Variants in CPEB3 observed in about 807,000 individuals in gnomAD.
CPEB3 encodes cytoplasmic polyadenylation element binding protein 3, also known as cytoplasmic polyadenylation element-binding protein 3.
In CPEB3, 20 loss-of-function variants were observed where a neutral mutation model predicts 67.2. That is an observed-to-expected ratio of 0.30 (90% CI 0.21 to 0.43). The LOEUF is 0.43. Ranked by LOEUF, CPEB3 falls within the 20% of genes least tolerant of loss-of-function variation. CPEB3 has a pLI of 1.00. For synonymous variants in CPEB3, 376 were observed against 393.1 expected, an observed-to-expected ratio of 0.96 and a Z score of 0.51; for missense variants, 746 against 968.6, an observed-to-expected ratio of 0.77 and a Z score of 3.05.
chr10:92,138,655 T>A (rs575376316), intron 6 of CPEB3, among the ~76,000 whole-genome samples: 1 of 152,302 alleles, frequency 6.6e-6, no homozygotes, highest in South Asian at 2.1e-4. Context: ...TGATATCATC[T>A]CACCACAGTT....
chr10:92,149,316 C>T (rs1275050270), intron 4 of CPEB3, among the ~76,000 whole-genome samples: 1 of 152,218 alleles, frequency 6.6e-6, no homozygotes, highest in East Asian at 1.9e-4. Context: ...CCATGTTGTC[C>T]TCTAACCAAA....
At chr10:92,225,445 G>C (rs1426913318) in intron 2 of CPEB3, among the ~76,000 whole-genome samples, 1 of 152,126 alleles carries the variant, frequency 6.6e-6, no homozygotes, top group East Asian at 1.9e-4. Flanking sequence ...GCTGAGGTGG[G>C]AGGATCTCTT....
chr10:92,063,340 G>A (rs1842429518), intron 9 of CPEB3, among the ~76,000 whole-genome samples: 1 of 152,204 alleles, frequency 6.6e-6, no homozygotes, highest in South Asian at 2.1e-4. Flanking sequence ...CTCAAAAGCT[G>A]TAGTAATAGA....
At chr10:92,270,817 A>G (rs1020982001) in intron 1 of CPEB3, among the ~76,000 whole-genome samples, 72 of 151,834 alleles carry the variant, frequency 4.7e-4, no homozygotes, top group African/African-American at 1.7e-3. Context: ...TGATTCGCCC[A>G]TCTTGGCCTT....
At chr10:92,225,880 C>T (rs998233000) in intron 2 of CPEB3, among the ~76,000 whole-genome samples, 23 of 152,160 alleles carry the variant, frequency 1.5e-4, no homozygotes, top group Middle Eastern at 3.2e-3. Context: ...AGGCAGATCA[C>T]GAGGTCAGGA....
In CPEB3 at chr10:92,051,174, T is replaced by C. The variant is rs1841884414; in HGVS notation, c.*1038A>G. On this transcript the variant is annotated 3_prime_UTR_variant, in exon 10 of 10. Coordinates refer to ENST00000265997, the MANE Select transcript of CPEB3 (RefSeq NM_014912.5). ...CTTCCCATTCAGAGCATTCCATTTA[T>C]TGAGGCATGCCTTCCTCCGGTCAAT... is the stretch of plus-strand genomic sequence containing the variant. 1 of 152,596 alleles carries C rather than the reference T, an allele frequency of 6.6e-6. No homozygotes were observed. Among genetic ancestry groups the C allele is most frequent in the East Asian group, 1.9e-4 (1 of 5,200 alleles). The allele number at this position is 152,596 out of a possible 1,614,324, so 9.5% of individuals were successfully genotyped here.
chr10:92,121,348 C>CATAT (rs1311471882), intron 6 of CPEB3, among the ~76,000 whole-genome samples: 1 of 145,732 alleles, frequency 6.9e-6, no homozygotes, highest in Admixed American at 6.9e-5. Flanking sequence ...AATACACACA[C>CATAT]ATATATATAT....
At chr10:92,118,008 G>C (rs1466524349) in intron 6 of CPEB3, among the ~76,000 whole-genome samples, 1 of 152,182 alleles carries the variant, frequency 6.6e-6, no homozygotes. Flanking sequence ...AACCAGATCA[G>C]TTTCCAGAGC....
At chr10:92,259,617 T>G (rs1852703568) in intron 1 of CPEB3, among the ~76,000 whole-genome samples, 3 of 147,096 alleles carry the variant, frequency 2.0e-5, no homozygotes, top group African/African-American at 7.6e-5. Context: ...AAAAAAAAAA[T>G]CATCTATCTG....
chr10:92,191,140 G>A (rs1041109088), intron 3 of CPEB3, among the ~76,000 whole-genome samples: 2 of 151,690 alleles, frequency 1.3e-5, no homozygotes, highest in Non-Finnish European at 2.9e-5. Context: ...AGCCGGGTGC[G>A]GTGGCACTCC....
intron 4 of CPEB3, among the ~76,000 whole-genome samples, chr10:92,149,656 G>C (rs900763957): frequency 1.3e-5 from 2 of 152,166 alleles, no homozygotes; most frequent in East Asian, 1.9e-4. Context: ...TTAGTATTTA[G>C]AGTACGATAG....
chr10:92,106,814 C>CAAA (rs531195477), intron 7 of CPEB3, among the ~76,000 whole-genome samples: 47 of 55,968 alleles, frequency 8.4e-4, no homozygotes, highest in South Asian at 2.4e-3. Context: ...GACTCTGTCT[C>CAAA]AAAAAAAAAA....
At chr10:92,058,596 T>TACATACATACATAC (rs3046637) in intron 9 of CPEB3, among the ~76,000 whole-genome samples, 10 of 100,204 alleles carry the variant, frequency 1.0e-4, no homozygotes, top group Middle Eastern at 0.01. Context: ...TACATACATA[T>TACATACATACATAC]ATATATATAT....
chr10:92,285,895 T>C (rs1471145959), intron 1 of CPEB3, among the ~76,000 whole-genome samples: 1 of 152,164 alleles, frequency 6.6e-6, no homozygotes, highest in Non-Finnish European at 1.5e-5. Context: ...AATGCTATCA[T>C]GTTATCATTA....
intron 9 of CPEB3, among the ~76,000 whole-genome samples, chr10:92,065,850 T>C (rs1842525728): frequency 6.6e-6 from 1 of 151,884 alleles, no homozygotes; most frequent in South Asian, 2.1e-4. Context: ...TTCCAGCACA[T>C]TGGGAGGCTG....
chr10:92,092,779 GAA>G (rs1338071678), intron 7 of CPEB3, among the ~76,000 whole-genome samples: 2 of 141,468 alleles, frequency 1.4e-5, no homozygotes, highest in Admixed American at 1.4e-4. Context: ...ACTGTCTCAG[GAA>G]AAAAAAAAAA....
chr10:92,142,967 T>G, intron 6 of CPEB3, 62 bp downstream of exon 6: 1 of 1,195,116 alleles, frequency 8.4e-7, no homozygotes, highest in Non-Finnish European at 1.2e-6. Flanking sequence ...AGGCTGCCTT[T>G]TATTGAACTG....
In CPEB3 at chr10:92,247,065, A is replaced by C. The variant is rs1852102265; in HGVS notation, c.-11-6704T>G. On this transcript the variant is annotated intron_variant, in intron 1 of 9. Coordinates refer to ENST00000265997, the MANE Select transcript of CPEB3 (RefSeq NM_014912.5). Reference sequence around the variant, plus strand: ...TTTTTTTCCCCTAAAATGAGCCTCAAATCTAAAAAGAAAATGACTCGAACA... The same window carrying C: ...TTTTTTTCCCCTAAAATGAGCCTCACATCTAAAAAGAAAATGACTCGAACA... Among the ~76,000 whole-genome samples the C allele has an allele frequency of 2.0e-5, 3 of 152,208 alleles. No homozygotes were observed. The South Asian group carries it at 6.2e-4, about 31-fold the overall frequency.
intron 9 of CPEB3, among the ~76,000 whole-genome samples, chr10:92,062,967 A>G (rs1190225731): frequency 6.6e-6 from 1 of 152,256 alleles, no homozygotes; most frequent in East Asian, 1.9e-4. Flanking sequence ...CCTAATGGAG[A>G]TGACTATACC....
Sources: gnomAD v4.1 joint callset for allele counts (sites outside exome capture counted in the v4.1 genomes callset) on GRCh38, gnomAD v4.1.1 for gene constraint, MANE v1.5 for transcripts, NCBI Gene and HGNC (gene_info 2026-07-23, HGNC 2026-07-21) for gene names.